The following SGK3 variants were observed in gnomAD, a reference collection of about 807,000 sequenced individuals.
SGK3 encodes serum/glucocorticoid regulated kinase family member 3, also known as serine/threonine-protein kinase Sgk3.
Under a neutral mutation model 68.5 loss-of-function variants are expected in SGK3, and 47 were observed. The observed-to-expected ratio is 0.69, with a 90% confidence interval of 0.54 to 0.87. SGK3 has a LOEUF of 0.87. SGK3 is among the 40% of genes least tolerant of loss of function. SGK3 has a pLI of 0.00. For missense variants in SGK3, 479 were observed against 575.5 expected (o/e 0.83, Z 1.72); for synonymous variants, 181 against 189.1 (o/e 0.96, Z 0.35).
At chr8:66,784,362 C>T (rs992613613) in intron 1 of SGK3, among the ~76,000 whole-genome samples, 8 of 152,114 alleles carry the variant, frequency 5.3e-5, no homozygotes, top group Admixed American at 2.6e-4. Flanking sequence ...TTTTGGGACA[C>T]GTTTGTTTTT....
intron 1 of SGK3, among the ~76,000 whole-genome samples, chr8:66,753,819 CA>C (rs1200510234): frequency 1.3e-5 from 2 of 151,532 alleles, no homozygotes; most frequent in Admixed American, 6.6e-5. Context: ...AACTCCCTCT[CA>C]AAAAAAAGAA....
At chr8:66,730,090 A>G (rs1805103587) in intron 1 of SGK3, among the ~76,000 whole-genome samples, 1 of 152,114 alleles carries the variant, frequency 6.6e-6, no homozygotes, top group Admixed American at 6.5e-5. Context: ...CCAGTAATGT[A>G]TGAAGTTTCA....
At chr8:66,787,409 A>G (rs1807253372) in intron 1 of SGK3, among the ~76,000 whole-genome samples, 1 of 152,236 alleles carries the variant, frequency 6.6e-6, no homozygotes, top group Admixed American at 6.5e-5. Context: ...TAAAGCAACC[A>G]TATGAAGTCA....
intron 13 of SGK3, among the ~76,000 whole-genome samples, chr8:66,842,912 A>G (rs1304127427): frequency 1.3e-5 from 2 of 152,106 alleles, no homozygotes; most frequent in Non-Finnish European, 2.9e-5. Flanking sequence ...TCTATGAAAA[A>G]TACGAAAAAC....
At chr8:66,852,497 T>C (rs1810335120) in intron 16 of SGK3, among the ~76,000 whole-genome samples, 1 of 152,110 alleles carries the variant, frequency 6.6e-6, no homozygotes, top group Admixed American at 6.6e-5. Flanking sequence ...GGCCAGATGG[T>C]GTCGATCTTT....
At chr8:66,816,039 G>C (rs1046976921) in intron 5 of SGK3, among the ~76,000 whole-genome samples, 1 of 151,852 alleles carries the variant, frequency 6.6e-6, no homozygotes, top group Non-Finnish European at 1.5e-5. Context: ...TCACTGTGTC[G>C]CCCAGGCTGG....
At chr8:66,849,743 G>T (rs1035610222) in intron 15 of SGK3, among the ~76,000 whole-genome samples, 11 of 151,730 alleles carry the variant, frequency 7.2e-5, no homozygotes, top group Non-Finnish European at 1.6e-4. Flanking sequence ...ACAGGCATGT[G>T]CCACCACACT....
At chr8:66,763,780 A>C (rs1351113172) in intron 1 of SGK3, among the ~76,000 whole-genome samples, 2 of 152,160 alleles carry the variant, frequency 1.3e-5, no homozygotes, top group African/African-American at 4.8e-5. Context: ...ACCCAAGTTC[A>C]TCTGTATCTC....
chr8:66,716,731 A>G (rs544146793), intron 1 of SGK3, among the ~76,000 whole-genome samples: 1 of 152,346 alleles, frequency 6.6e-6, no homozygotes, highest in South Asian at 2.1e-4. Flanking sequence ...TTCTCCTAAC[A>G]GGGCCATACA....
rs965785055 is a variant in SGK3, at chr8:66,773,681, C to T, written c.-121-19935C>T. On this transcript the variant is annotated intron_variant, in intron 1 of 16. Coordinates refer to ENST00000521198, the MANE Select transcript of SGK3 (RefSeq NM_001033578.3). ...AGCACTGTGACACCTCTACAGCTGA[C>T]GTGATAATGGAGATGCCTACTAAGA... Among the ~76,000 whole-genome samples, 7 of 152,156 alleles carry T rather than the reference C, an allele frequency of 4.6e-5. No homozygotes were observed. The East Asian group carries it at 1.2e-3, about 25-fold the overall frequency.
intron 1 of SGK3, among the ~76,000 whole-genome samples, chr8:66,752,300 C>G (rs760083110): frequency 1.3e-5 from 2 of 151,960 alleles, no homozygotes; most frequent in African/African-American, 2.4e-5. Context: ...CCCTTGACTG[C>G]GGTAGTTTCC....
chr8:66,770,693 T>A (rs925494721), intron 1 of SGK3, among the ~76,000 whole-genome samples: 1 of 152,216 alleles, frequency 6.6e-6, no homozygotes, highest in African/African-American at 2.4e-5. Flanking sequence ...CATATGTTTT[T>A]TTCTTTGCTG....
chr8:66,765,311 G>T (rs905071310), intron 1 of SGK3, among the ~76,000 whole-genome samples: 1 of 146,006 alleles, frequency 6.8e-6, no homozygotes, highest in African/African-American at 2.8e-5. Context: ...AATGACTAAT[G>T]TTGTTGAGCA....
At chr8:66,718,705 T>A (rs1804713656) in intron 1 of SGK3, among the ~76,000 whole-genome samples, 1 of 151,940 alleles carries the variant, frequency 6.6e-6, no homozygotes, top group South Asian at 2.1e-4. Flanking sequence ...ATTTTGTATT[T>A]TTAGTTGAGA....
chr8:66,797,331 T>C (rs1354038510), intron 2 of SGK3, among the ~76,000 whole-genome samples: 2 of 152,236 alleles, frequency 1.3e-5, no homozygotes, highest in African/African-American at 4.8e-5. Flanking sequence ...TCTTGTCTAG[T>C]CTTATTCAGC....
rs868693749 is a variant in SGK3 at position 66,844,047 on chromosome 8, A to T, written c.1074+500A>T. 5.3e-5 allele frequency among the ~76,000 whole-genome samples: 8 copies of T among 149,858 alleles called. No homozygotes were observed. In the South Asian group the frequency reaches 1.1e-3, roughly 20 times the overall value. ...CTTTTTATTTGTTACTAGTTTTTTT[A>T]AATTAATATAATTGTTTCTCTGCTA... is the stretch of plus-strand genomic sequence containing the variant. On this transcript the variant is annotated intron_variant, in intron 14 of 16. Transcript: ENST00000521198.
At chr8:66,789,158 A>C (rs1013920795) in intron 1 of SGK3, among the ~76,000 whole-genome samples, 3 of 152,070 alleles carry the variant, frequency 2.0e-5, no homozygotes, top group African/African-American at 7.2e-5. Context: ...AGAATCTCAG[A>C]ATCTCATTTG....
chr8:66,829,796 T>C (rs1440202457), intron 7 of SGK3, among the ~76,000 whole-genome samples: 1 of 151,994 alleles, frequency 6.6e-6, no homozygotes, highest in Non-Finnish European at 1.5e-5. Flanking sequence ...CGATGCTAAC[T>C]GGAAGTTTGG....
rs1027728991 is a variant in SGK3 at position 66,847,214 on chromosome 8, G to C, written c.1096G>C (p.Val366Leu). ...YGLPPFYCRD[V>L]AEMYDNILHK... ...CCAGCCTCCTTTTTATTGCCGAGAT[G>C]TTGCTGAAATGTATGACAATATCCT... Residue 366 changes from valine to leucine, a missense_variant, in exon 15 of 17, where the codon GTT (valine) becomes CTT (leucine). By Grantham distance (32) the Val-to-Leu change is conservative (BLOSUM62 1). Transcript: ENST00000521198. The C allele has an allele frequency of 6.9e-6, 11 of 1,601,498 alleles. No individual in the cohort carries two copies. The Admixed American group carries it at 1.7e-4, about 25-fold the overall frequency.
Sources: gnomAD v4.1 joint callset for allele counts (sites outside exome capture counted in the v4.1 genomes callset) on GRCh38, gnomAD v4.1.1 for gene constraint, MANE v1.5 for transcripts, NCBI Gene and HGNC (gene_info 2026-07-23, HGNC 2026-07-21) for gene names.